Variants in C12orf42 observed in about 807,000 individuals in gnomAD.
The protein encoded by C12orf42 is uncharacterized protein C12orf42.
C12orf42 carries 25 observed loss-of-function variants against 21.6 expected under a neutral mutation model. The ratio of observed to expected loss-of-function variants is 1.16; its 90% CI spans 0.84 to 1.62. The LOEUF is 1.62. C12orf42 is among the 40% of genes most tolerant of loss of function. The pLI, the probability that C12orf42 is intolerant of heterozygous loss-of-function variation, is 0.00. For missense variants in C12orf42, 483 were observed against 459.3 expected, an observed-to-expected ratio of 1.05 and a Z score of -0.47; for synonymous variants, 174 against 175.0, an observed-to-expected ratio of 0.99 and a Z score of 0.05.
downstream of C12orf42, among the ~76,000 whole-genome samples, chr12:103,296,977 G>T (rs1566028615): frequency 6.6e-6 from 1 of 152,144 alleles, no homozygotes. Flanking sequence ...TTCTTCTAGG[G>T]TTTTTATGGT....
At chr12:103,306,846 T>A (rs189414413) in intron 4 of C12orf42, among the ~76,000 whole-genome samples, 20 of 152,254 alleles carry the variant, frequency 1.3e-4, no homozygotes, top group African/African-American at 4.6e-4. Flanking sequence ...TGAGCCATAA[T>A]CTAATAAGAC....
chr12:103,361,950 C>A (rs2044154027), intron 4 of C12orf42, among the ~76,000 whole-genome samples: 1 of 152,094 alleles, frequency 6.6e-6, no homozygotes, highest in African/African-American at 2.4e-5. Flanking sequence ...AAAGCATATT[C>A]TCCTGGGAGT....
At chr12:103,076,131 T>C in the C12orf42 span, among the ~76,000 whole-genome samples, 1 of 152,072 alleles carries the variant, frequency 6.6e-6, no homozygotes, top group African/African-American at 2.4e-5. Flanking sequence ...TAATGCTATA[T>C]AGAAGATGGG....
At chr12:103,277,485 G>A (rs1370496199) in intron 4 of C12orf42, among the ~76,000 whole-genome samples, 1 of 152,152 alleles carries the variant, frequency 6.6e-6, no homozygotes, top group Non-Finnish European at 1.5e-5. Flanking sequence ...ATGTAAATAT[G>A]AAAAGTATTT....
At chr12:103,300,571 T>C (rs1346825771), downstream of C12orf42, among the ~76,000 whole-genome samples, 1 of 152,252 alleles carries the variant, frequency 6.6e-6, no homozygotes, top group Non-Finnish European at 1.5e-5. Context: ...CTATATCAAG[T>C]ACATTTTCTA....
chr12:103,540,601 A>G, the C12orf42 span, among the ~76,000 whole-genome samples: 7 of 152,312 alleles, frequency 4.6e-5, no homozygotes, highest in Admixed American at 1.3e-4. Context: ...AATTATTAAT[A>G]TTGCAACCGC....
intron 4 of C12orf42, among the ~76,000 whole-genome samples, chr12:103,279,201 A>G (rs2035954679): frequency 6.6e-6 from 1 of 152,198 alleles, no homozygotes; most frequent in Admixed American, 6.5e-5. Context: ...GCTCTTAAGA[A>G]GGTAGATCTC....
At chr12:103,406,800 G>A (rs1231476267) in intron 2 of C12orf42, among the ~76,000 whole-genome samples, 1 of 152,044 alleles carries the variant, frequency 6.6e-6, no homozygotes, top group African/African-American at 2.4e-5. Context: ...AACACTTCTT[G>A]GAAGAGATGT....
chr12:103,268,656 G>C (rs1285423590), exon 7 of C12orf42: 2 of 152,080 alleles, frequency 1.3e-5, no homozygotes, highest in Admixed American at 6.6e-5. Context: ...GATTCAAAGA[G>C]AGTGCAGGTG....
chr12:103,291,799 G>C (rs900374455), intron 4 of C12orf42, among the ~76,000 whole-genome samples: 5 of 152,122 alleles, frequency 3.3e-5, no homozygotes, highest in Admixed American at 3.3e-4. Flanking sequence ...TACCATCTTG[G>C]TTTTAGCTGG....
At chr12:103,124,675 C>T in the C12orf42 span, among the ~76,000 whole-genome samples, 1 of 152,092 alleles carries the variant, frequency 6.6e-6, no homozygotes, top group African/African-American at 2.4e-5. Context: ...AGAGAGGGGC[C>T]TTGGTATCAT....
downstream of C12orf42, among the ~76,000 whole-genome samples, chr12:103,297,230 G>T (rs1247555542): frequency 6.6e-6 from 1 of 151,988 alleles, no homozygotes; most frequent in Non-Finnish European, 1.5e-5. Context: ...TCCCTGTTTT[G>T]GTACCAGTAC....
intron 4 of C12orf42, among the ~76,000 whole-genome samples, chr12:103,337,465 C>T (rs2041797482): frequency 6.6e-6 from 1 of 152,208 alleles, no homozygotes; most frequent in Admixed American, 6.5e-5. Context: ...AATCCCCTGC[C>T]TCAGCCTCCC....
chr12:103,174,896 G>T, the C12orf42 span, among the ~76,000 whole-genome samples: 1,144 of 152,192 alleles, frequency 7.5e-3, 14 homozygotes, highest in African/African-American at 0.026. Context: ...TGTACATATG[G>T]TTTTTACTGA....
chr12:103,063,433 C>T, the C12orf42 span, among the ~76,000 whole-genome samples: 6 of 152,158 alleles, frequency 3.9e-5, no homozygotes, highest in African/African-American at 1.4e-4. Context: ...GGAATGGGGA[C>T]ATGTGGGAGG....
chr12:103,439,196 G>T (rs1763969755), intron 2 of C12orf42, among the ~76,000 whole-genome samples: 1 of 151,114 alleles, frequency 6.6e-6, no homozygotes, highest in South Asian at 2.1e-4. Flanking sequence ...GGGAAAACTG[G>T]CTAGCCATAT....
the C12orf42 span, among the ~76,000 whole-genome samples, chr12:103,196,674 C>T: frequency 6.6e-6 from 1 of 151,924 alleles, no homozygotes; most frequent in Non-Finnish European, 1.5e-5. Flanking sequence ...TTACGCAATA[C>T]CCTTATTTGT....
Position 103,305,991 on chromosome 12 carries a change from C to A in C12orf42, c.614G>T (p.Ser205Ile), listed in dbSNP as rs769332092. ...ATACTTACCAGAATTTTTCTTGGGA[C>A]TGCTCAAGGGCTGGCCCTTAGGTCT... ...HTRPKGQPLS[S>I]PKKNSGSAAR... Residue 205 changes from serine to isoleucine, a missense_variant, in exon 5 of 6, where the codon AGT (serine) becomes ATT (isoleucine). Ser to Ile is a moderately radical substitution (Grantham distance 142). Transcript: ENST00000548883. The A allele has an allele frequency of 1.5e-5, 24 of 1,601,978 alleles. No homozygotes were observed. Among genetic ancestry groups the A allele is most frequent in the Non-Finnish European group, 1.9e-5 (22 of 1,170,386 alleles).
the C12orf42 span, among the ~76,000 whole-genome samples, chr12:103,208,487 C>A: frequency 2.0e-5 from 3 of 152,026 alleles, no homozygotes; most frequent in East Asian, 5.8e-4. Flanking sequence ...ATTTTCAGAT[C>A]GACAATAAAT....
Sources: gnomAD v4.1 joint callset for allele counts (sites outside exome capture counted in the v4.1 genomes callset) on GRCh38, gnomAD v4.1.1 for gene constraint, MANE v1.5 for transcripts, NCBI Gene and HGNC (gene_info 2026-07-23, HGNC 2026-07-21) for gene names.